Variants in ZFHX3 observed in about 807,000 individuals in gnomAD.
ZFHX3 encodes the protein zinc finger homeobox 3.
ZFHX3 carries 42 observed loss-of-function variants against 279.1 expected under a neutral mutation model. That is an observed-to-expected ratio of 0.15 (90% confidence interval 0.12 to 0.19). The LOEUF (loss-of-function observed/expected upper bound fraction) is 0.19. Among genes scored for constraint, ZFHX3 ranks in the 10% least tolerant of loss-of-function variants. The probability of loss-of-function intolerance (pLI) is 1.00; values close to 1 mark genes in which losing one functional copy is unlikely to be tolerated. For synonymous variants in ZFHX3, 2,293 were observed against 1,957.8 expected, an observed-to-expected ratio of 1.17 and a Z score of -4.52; for missense variants, 4,981 against 4,754.0, an observed-to-expected ratio of 1.05 and a Z score of -1.40.
At chr16:73,058,358 C>A (rs190236458) in intron 1 of ZFHX3, among the ~76,000 whole-genome samples, 8,446 of 147,830 alleles carry the variant, frequency 0.057, 461 homozygotes, top group Admixed American at 0.18. Flanking sequence ...GCGCGGGGAG[C>A]GCGGGCGGCG....
chr16:73,154,142 C>T (rs1158156184), intron 5 of ZFHX3, among the ~76,000 whole-genome samples: 1 of 152,196 alleles, frequency 6.6e-6, no homozygotes, highest in Non-Finnish European at 1.5e-5. Context: ...CAGTGATTGT[C>T]TTGCTTTCTC....
At chr16:73,336,885 C>T (rs1340962293) in intron 3 of ZFHX3, among the ~76,000 whole-genome samples, 4 of 152,164 alleles carry the variant, frequency 2.6e-5, no homozygotes, top group South Asian at 2.1e-4. Flanking sequence ...CTCATGATCC[C>T]GTCCCTCGCT....
At chr16:73,853,807 A>C (rs185291005) in intron 1 of ZFHX3, among the ~76,000 whole-genome samples, 1 of 152,292 alleles carries the variant, frequency 6.6e-6, no homozygotes, top group Admixed American at 6.5e-5. Context: ...TCAAACAAGC[A>C]CACATACCCC....
intron 5 of ZFHX3, among the ~76,000 whole-genome samples, chr16:73,212,384 C>T (rs1327791849): frequency 2.0e-5 from 3 of 152,120 alleles, no homozygotes; most frequent in Non-Finnish European, 2.9e-5. Flanking sequence ...GAATATACCT[C>T]GACTTCATAC....
At chr16:73,404,173 A>G (rs934215085) in intron 3 of ZFHX3, among the ~76,000 whole-genome samples, 8 of 152,118 alleles carry the variant, frequency 5.3e-5, no homozygotes, top group African/African-American at 1.9e-4. Flanking sequence ...AATGCCATCT[A>G]AAGGAGGCCA....
chr16:72,799,807 G>C (rs1021889004), intron 8 of ZFHX3, among the ~76,000 whole-genome samples: 1 of 152,120 alleles, frequency 6.6e-6, no homozygotes, highest in Non-Finnish European at 1.5e-5. Context: ...AATTCCACTG[G>C]TTCTCATACT....
intron 2 of ZFHX3, among the ~76,000 whole-genome samples, chr16:73,620,914 G>A (rs756313260): frequency 3.9e-5 from 6 of 152,252 alleles, no homozygotes; most frequent in Non-Finnish European, 7.3e-5. Context: ...ATCTTTGGGT[G>A]AGACACAGCT....
rs182687156 is a variant in ZFHX3, at chr16:73,005,249, A to G, written c.-50+42503T>C. On this transcript the variant is annotated intron_variant, in intron 1 of 9. Coordinates refer to ENST00000268489, the MANE Select transcript of ZFHX3 (RefSeq NM_006885.4). ...GTGGCTCACGTCTTATAATGCCAGC[A>G]CTTTGGGAGGCCAAGGCGGGAAGAT... is the stretch of plus-strand genomic sequence containing the variant. Among the ~76,000 whole-genome samples, 28 of 152,358 alleles carry G rather than the reference A, an allele frequency of 1.8e-4. No homozygotes were observed. In the East Asian group the frequency reaches 5.2e-3, roughly 28 times the overall value.
chr16:73,797,955 C>G (rs1373895752), intron 1 of ZFHX3, among the ~76,000 whole-genome samples: 2 of 151,616 alleles, frequency 1.3e-5, no homozygotes, highest in Non-Finnish European at 2.9e-5. Context: ...TACAGGCGCT[C>G]GCCACTATAT....
Position 72,958,796 on chromosome 16 carries a change from A to G in ZFHX3, c.1350T>C (p.Asp450=). Residue 450 remains aspartate, a synonymous_variant, in exon 2 of 10, where the codon GAT becomes GAC. Transcript: ENST00000268489. Reference sequence around the variant, plus strand: ...CTGGCTCTACCTTCTCAGAGAAGCAATCCCCGTCGCCCACTTCCTGCTTCT... The same window carrying G: ...CTGGCTCTACCTTCTCAGAGAAGCAGTCCCCGTCGCCCACTTCCTGCTTCT... The part of the protein sequence containing the change: ...EGEKQEVGDG[D]CFSEKVEPAE... 6.2e-7 allele frequency: 1 copy of G among 1,613,494 alleles called. No individual in the cohort carries two copies. The highest frequency in any genetic ancestry group is 8.5e-7 in the Non-Finnish European group (1 of 1,179,864).
chr16:73,686,140 G>C (rs1397162531), intron 1 of ZFHX3, among the ~76,000 whole-genome samples: 1 of 152,052 alleles, frequency 6.6e-6, no homozygotes, highest in Non-Finnish European at 1.5e-5. Flanking sequence ...CTGTTGCCCA[G>C]GCTGGAGTGC....
chr16:73,885,234 CAG>C (rs915161081), intron 1 of ZFHX3, among the ~76,000 whole-genome samples: 4 of 152,032 alleles, frequency 2.6e-5, no homozygotes, highest in Non-Finnish European at 4.4e-5. Context: ...AAGGGTGAGA[CAG>C]GGGGGTATTA....
intron 4 of ZFHX3, among the ~76,000 whole-genome samples, chr16:72,867,917 C>T (rs770202268): frequency 2.0e-5 from 3 of 152,096 alleles, no homozygotes; most frequent in African/African-American, 7.2e-5. Flanking sequence ...TATCAAGAGC[C>T]GCACAGAGTC....
At chr16:73,040,670 G>A (rs1029730045) in intron 1 of ZFHX3, among the ~76,000 whole-genome samples, 1 of 152,222 alleles carries the variant, frequency 6.6e-6, no homozygotes, top group Admixed American at 6.5e-5. Flanking sequence ...GGGAAGAAGA[G>A]AATTGCTGGA....
At chr16:73,445,075 C>T (rs537530272) in intron 3 of ZFHX3, among the ~76,000 whole-genome samples, 3 of 150,934 alleles carry the variant, frequency 2.0e-5, no homozygotes, top group South Asian at 4.2e-4. Flanking sequence ...GCGGAGGTTA[C>T]AGTGAGCGGA....
rs1408764102 is a variant in ZFHX3 at position 73,455,056 on chromosome 16, C to T, written c.-1291+947G>A. Reference sequence around the variant, plus strand: ...AATGGAAGCTTGTCATTACAAATCCCGATGTGACTCTTTTTTGAACCATCA... The same window carrying T: ...AATGGAAGCTTGTCATTACAAATCCTGATGTGACTCTTTTTTGAACCATCA... On this transcript the variant is annotated intron_variant, in intron 3 of 17. Transcript: ENST00000641206. Among the ~76,000 whole-genome samples the T allele has an allele frequency of 3.3e-5, 5 of 152,136 alleles. No individual in the cohort carries two copies. In the East Asian group the frequency reaches 7.7e-4, roughly 23 times the overall value.
intron 4 of ZFHX3, among the ~76,000 whole-genome samples, chr16:72,885,520 G>A (rs1197292909): frequency 6.6e-6 from 1 of 152,218 alleles, no homozygotes; most frequent in African/African-American, 2.4e-5. Context: ...AGTGACTTAA[G>A]TAACAGGTAA....
intron 4 of ZFHX3, among the ~76,000 whole-genome samples, chr16:72,879,718 C>A (rs1158415327): frequency 6.6e-6 from 1 of 152,228 alleles, no homozygotes; most frequent in African/African-American, 2.4e-5. Flanking sequence ...AGCCACCATG[C>A]CCAGCTAAGG....
At chr16:73,450,488 A>G (rs1317384788) in intron 3 of ZFHX3, among the ~76,000 whole-genome samples, 1 of 152,206 alleles carries the variant, frequency 6.6e-6, no homozygotes, top group South Asian at 2.1e-4. Context: ...TAAAAGAAAA[A>G]ATATAGGCTT....
Sources: gnomAD v4.1 joint callset for allele counts (sites outside exome capture counted in the v4.1 genomes callset) on GRCh38, gnomAD v4.1.1 for gene constraint, MANE v1.5 for transcripts, NCBI Gene and HGNC (gene_info 2026-07-23, HGNC 2026-07-21) for gene names.